The following RBPMS2 variants were observed in gnomAD, a reference collection of about 807,000 sequenced individuals.
RBPMS2 encodes the protein RNA binding protein, mRNA processing factor 2, also known as RNA-binding protein with multiple splicing 2.
In RBPMS2, 14 loss-of-function variants were observed where a neutral mutation model predicts 25.7. The ratio of observed to expected loss-of-function variants is 0.55; its 90% CI spans 0.36 to 0.85. The LOEUF (loss-of-function observed/expected upper bound fraction) is 0.85. RBPMS2 is among the 40% of genes least tolerant of loss of function. The pLI, the probability that RBPMS2 is intolerant of heterozygous loss-of-function variation, is 0.01. For missense variants in RBPMS2, 252 were observed against 283.4 expected (o/e 0.89, Z 0.80); for synonymous variants, 127 against 115.6 (o/e 1.10, Z -0.63).
chr15:64,744,872 T>C (rs545005266), intron 6 of RBPMS2, among the ~76,000 whole-genome samples: 2 of 123,726 alleles, frequency 1.6e-5, no homozygotes, highest in Admixed American at 1.1e-4. Flanking sequence ...TAGAGTGCAG[T>C]GGCGCGATCT....
chr15:64,746,663 C>T (rs1188522223), intron 6 of RBPMS2, among the ~76,000 whole-genome samples: 3 of 152,226 alleles, frequency 2.0e-5, no homozygotes, highest in African/African-American at 7.2e-5. Flanking sequence ...AGAGCAGTGC[C>T]ACCCCCACCT....
intron 4 of RBPMS2, 114 bp from the exon 5 acceptor site, chr15:64,749,264 G>A (rs994556809): frequency 2.2e-5 from 31 of 1,391,516 alleles, no homozygotes; most frequent in East Asian, 4.6e-5. Context: ...CTGCCCACAC[G>A]GTGGCTGAGG....
At chr15:64,756,071 C>G (rs976464744) in intron 1 of RBPMS2, among the ~76,000 whole-genome samples, 1 of 152,164 alleles carries the variant, frequency 6.6e-6, no homozygotes, top group Non-Finnish European at 1.5e-5. Context: ...GAGACAGGAA[C>G]CAAGCCTCAA....
intron 1 of RBPMS2, among the ~76,000 whole-genome samples, chr15:64,767,158 G>T (rs1200302008): frequency 6.6e-5 from 10 of 151,812 alleles, no homozygotes; most frequent in African/African-American, 2.4e-4. Flanking sequence ...CAAGTGCAGT[G>T]GTGGGATACT....
chr15:64,767,711 C>T (rs1475598717), intron 1 of RBPMS2, among the ~76,000 whole-genome samples: 6 of 152,118 alleles, frequency 3.9e-5, no homozygotes, highest in Admixed American at 2.6e-4. Flanking sequence ...CTCGCTCTGT[C>T]ACCCAGGCTG....
intron 1 of RBPMS2, among the ~76,000 whole-genome samples, chr15:64,753,105 C>T (rs1005209250): frequency 6.6e-6 from 1 of 152,154 alleles, no homozygotes; most frequent in Non-Finnish European, 1.5e-5. Context: ...CCATTCAAAA[C>T]ATTTTTTGAA....
At position 64,775,487 on chromosome 15, in the gene RBPMS2, T is replaced by G; in HGVS notation, c.-168A>C. On this transcript the variant is annotated 5_prime_UTR_variant, in exon 1 of 8. The change abolishes an upstream ATG in the 5' untranslated region. Transcript: ENST00000300069. ...GCCTCCGCGTCGGGCCAGGGTCACA[T>G]CAAGTTTGGCGGGTGCGGAAGGTGG... The G allele has an allele frequency of 7.2e-6, 1 of 138,464 alleles. No homozygotes were observed. Among genetic ancestry groups the G allele is most frequent in the Non-Finnish European group, 1.5e-5 (1 of 66,802 alleles). The allele number at this position is 138,464 out of a possible 1,614,324, so 8.6% of individuals were successfully genotyped here.
chr15:64,749,247 C>G (rs547893807), intron 4 of RBPMS2, 97 bp from the exon 5 acceptor site: 6 of 1,465,256 alleles, frequency 4.1e-6, no homozygotes, highest in Non-Finnish European at 5.7e-6. Context: ...AAGCTCGCCT[C>G]GAAGACCTGC....
rs375668878 is a variant in RBPMS2, at chr15:64,749,010, T to A, written c.408A>T (p.Ala136=). The A allele has an allele frequency of 3.1e-6, 5 of 1,614,026 alleles. No homozygotes were observed. In the African/African-American group the frequency reaches 4.0e-5, roughly 13 times the overall value. Residue 136 remains alanine (A), a synonymous_variant, in exon 5 of 8, where the codon GCA becomes GCT. Transcript: ENST00000300069. ...CAGAGTGCCACTCACAGGGGTCCCG[T>A]GCGATGAAGTGTGCTCCTAGGGCGG... is the stretch of plus-strand genomic sequence containing the variant. ...VHPALGAHFI[A]RDPYDLMGAA...
At chr15:64,746,881 T>C (rs2083621951) in intron 6 of RBPMS2, among the ~76,000 whole-genome samples, 1 of 152,170 alleles carries the variant, frequency 6.6e-6, no homozygotes, top group Non-Finnish European at 1.5e-5. Flanking sequence ...AGAAGCCCAG[T>C]GAGGTGGGAG....
intron 1 of RBPMS2, among the ~76,000 whole-genome samples, chr15:64,766,395 G>A (rs1251002474): frequency 1.3e-5 from 2 of 152,110 alleles, no homozygotes; most frequent in Non-Finnish European, 2.9e-5. Context: ...AGAAGTAACC[G>A]TACTCTCTCC....
intron 6 of RBPMS2, among the ~76,000 whole-genome samples, chr15:64,747,131 A>T (rs888400901): frequency 6.6e-6 from 1 of 152,194 alleles, no homozygotes; most frequent in Non-Finnish European, 1.5e-5. Context: ...GCTGGGGAAG[A>T]GCGCCAGGGT....
intron 1 of RBPMS2, among the ~76,000 whole-genome samples, chr15:64,763,501 C>G (rs543718731): frequency 1.3e-5 from 2 of 152,316 alleles, no homozygotes; most frequent in South Asian, 4.1e-4. Context: ...TGGTGTTCTG[C>G]CTGCCCCTGC....
At chr15:64,759,725 T>A (rs1388764742) in intron 1 of RBPMS2, among the ~76,000 whole-genome samples, 1 of 152,036 alleles carries the variant, frequency 6.6e-6, no homozygotes, top group Non-Finnish European at 1.5e-5. Flanking sequence ...TAGGCTGGAG[T>A]GCAGTGGCAC....
chr15:64,769,359 G>A (rs1404432946), intron 1 of RBPMS2, among the ~76,000 whole-genome samples: 4 of 150,518 alleles, frequency 2.7e-5, no homozygotes, highest in Non-Finnish European at 5.9e-5. Flanking sequence ...AGGAGGTGGA[G>A]GTTGCGGTGA....
chr15:64,757,271 C>T (rs976605942), intron 1 of RBPMS2, among the ~76,000 whole-genome samples: 2 of 152,090 alleles, frequency 1.3e-5, no homozygotes, highest in African/African-American at 2.4e-5. Flanking sequence ...CCATGCCTGG[C>T]CTCAGTTTCA....
chr15:64,749,622 G>GTTT, intron 3 of RBPMS2, 129 bp from the exon 4 acceptor site: 1 of 774,268 alleles, frequency 1.3e-6, no homozygotes, highest in Non-Finnish European at 2.0e-6. Context: ...AATACAAAAG[G>GTTT]AAAAAAAGCC....
chr15:64,771,607 G>C (rs911360018), intron 1 of RBPMS2, among the ~76,000 whole-genome samples: 2 of 151,848 alleles, frequency 1.3e-5, no homozygotes, highest in Non-Finnish European at 2.9e-5. Flanking sequence ...CTGGGAGGAG[G>C]TTGCAGTGAG....
At chr15:64,766,269 C>A (rs2083844993) in intron 1 of RBPMS2, among the ~76,000 whole-genome samples, 1 of 152,150 alleles carries the variant, frequency 6.6e-6, no homozygotes, top group South Asian at 2.1e-4. Flanking sequence ...AACGCTCCCA[C>A]CACACCCAGG....
Sources: allele counts gnomAD v4.1 joint callset (sites outside exome capture counted in the v4.1 genomes callset), GRCh38; gene constraint gnomAD v4.1.1; transcripts MANE v1.5; gene names NCBI Gene and HGNC (gene_info 2026-07-23, HGNC 2026-07-21).